ADCY8: variants seen among roughly 807,000 people sequenced by gnomAD.
ADCY8 encodes adenylate cyclase type 8.
A neutral mutation model predicts 119.7 loss-of-function variants in ADCY8; 51 were observed. The observed-to-expected ratio is 0.43, with a 90% confidence interval of 0.34 to 0.54. The LOEUF (loss-of-function observed/expected upper bound fraction) is 0.54, where lower values mean the gene tolerates loss of function less well. ADCY8 is among the 20% of genes least tolerant of loss of function. The pLI is 0.03. For missense variants in ADCY8, 1,383 were observed against 1,598.8 expected (o/e 0.87, Z 2.30); for synonymous variants, 665 against 651.0 (o/e 1.02, Z -0.33).
chr8:130,803,775 A>T (rs1815856530), intron 14 of ADCY8, among the ~76,000 whole-genome samples: 1 of 152,232 alleles, frequency 6.6e-6, no homozygotes, highest in South Asian at 2.1e-4. Context: ...TGCACTACAC[A>T]TGTGAGTGTG....
chr8:131,007,940 A>C (rs1823175775), intron 1 of ADCY8, among the ~76,000 whole-genome samples: 1 of 152,182 alleles, frequency 6.6e-6, no homozygotes, highest in African/African-American at 2.4e-5. Flanking sequence ...ATTTTATTGA[A>C]TATCTACTGT....
chr8:130,992,615 A>G (rs1278161436), intron 1 of ADCY8, among the ~76,000 whole-genome samples: 2 of 151,374 alleles, frequency 1.3e-5, no homozygotes, highest in Non-Finnish European at 2.9e-5. Flanking sequence ...AGATTTTCCT[A>G]TGTTGGCCAG....
At chr8:130,807,710 C>T (rs904826406) in intron 14 of ADCY8, among the ~76,000 whole-genome samples, 7 of 151,892 alleles carry the variant, frequency 4.6e-5, no homozygotes, top group East Asian at 1.9e-4. Context: ...TATCGCCGGG[C>T]GCGGTGGCTC....
At chr8:130,976,857 C>T (rs1044701702) in intron 2 of ADCY8, among the ~76,000 whole-genome samples, 4 of 152,076 alleles carry the variant, frequency 2.6e-5, no homozygotes, top group African/African-American at 9.7e-5. Context: ...AGTGTGTTTA[C>T]AGTTAAAAAT....
chr8:130,983,774 G>A (rs995725839), intron 2 of ADCY8, among the ~76,000 whole-genome samples: 1 of 152,176 alleles, frequency 6.6e-6, no homozygotes, highest in East Asian at 1.9e-4. Context: ...CTGTGCTGGG[G>A]TTTTGAGATG....
At chr8:130,792,125 C>T (rs1165084973) in intron 15 of ADCY8, among the ~76,000 whole-genome samples, 2 of 152,176 alleles carry the variant, frequency 1.3e-5, no homozygotes, top group African/African-American at 4.8e-5. Flanking sequence ...TCCTCAGCCT[C>T]GCTTCTCTTG....
rs1175097089 is a variant in ADCY8, at chr8:130,867,905, G to C, written c.2151C>G (p.Val717=). 2.5e-6 allele frequency: 4 copies of C among 1,611,658 alleles called. No homozygotes were observed. Among genetic ancestry groups the C allele is most frequent in the Non-Finnish European group, 3.4e-6 (4 of 1,178,902 alleles). ...MRDEVFKSNL[V]CAFIVLLFIT... The stretch of plus-strand genomic sequence containing the variant: ...TAAATAGAAGAACGATAAATGCACA[G>C]ACCAAGTTTGACTTGAACACTTCAT... The change falls in exon 9 of 18, where the codon GTC becomes GTG. Residue 717 remains valine (V), a synonymous_variant. Coordinates refer to ENST00000286355, the MANE Select transcript of ADCY8 (RefSeq NM_001115.3).
chr8:130,841,439 G>A (rs1817138826), intron 11 of ADCY8, among the ~76,000 whole-genome samples: 1 of 152,142 alleles, frequency 6.6e-6, no homozygotes, highest in Non-Finnish European at 1.5e-5. Context: ...AAGGTGTTAA[G>A]GGCAGCAACA....
Position 130,840,827 on chromosome 8 carries a change from T to C in ADCY8, c.2503-4378A>G, listed in dbSNP as rs559256489. Among the ~76,000 whole-genome samples the C allele has an allele frequency of 1.7e-3, 253 of 152,256 alleles. 2 individuals are homozygous for C. The highest frequency in any genetic ancestry group is 5.5e-3 in the African/African-American group (228 of 41,548). ...TAAAAAATAATAATGCCAAGATTTGTATGAGAAATGTTAGGTAGTGAGCAA... is the reference window on the plus strand; with the variant it reads ...TAAAAAATAATAATGCCAAGATTTGCATGAGAAATGTTAGGTAGTGAGCAA... On this transcript the variant is annotated intron_variant, in intron 11 of 17. Coordinates refer to ENST00000286355, the MANE Select transcript of ADCY8 (RefSeq NM_001115.3).
Position 130,803,976 on chromosome 8 carries a change from G to A in ADCY8, c.2914-3404C>T, listed in dbSNP as rs571808287. 7.2e-5 allele frequency among the ~76,000 whole-genome samples: 11 copies of A among 152,298 alleles called. No homozygotes were observed. In the South Asian group the frequency reaches 2.3e-3, roughly 32 times the overall value. ...AGAAAGAGTGCAGATAGCAGTCAGG[G>A]AGCAGAGCAAAGGTAAATGGCTTTC... On this transcript the variant is annotated intron_variant, in intron 14 of 17. Transcript: ENST00000286355.
At chr8:130,849,052 TC>T in intron 10 of ADCY8, among the ~76,000 whole-genome samples, 1 of 152,270 alleles carries the variant, frequency 6.6e-6, no homozygotes, top group Admixed American at 6.5e-5. Flanking sequence ...GGCAGCTATT[TC>T]ATTTCCATTT....
At chr8:131,003,130 G>T (rs192377922) in intron 1 of ADCY8, among the ~76,000 whole-genome samples, 1 of 151,866 alleles carries the variant, frequency 6.6e-6, no homozygotes, top group Admixed American at 6.6e-5. Flanking sequence ...GAACCCAGGA[G>T]GTAGAGGTTG....
chr8:131,033,762 A>G (rs1824063975), intron 1 of ADCY8, among the ~76,000 whole-genome samples: 1 of 151,964 alleles, frequency 6.6e-6, no homozygotes, highest in South Asian at 2.1e-4. Context: ...CAACACACAT[A>G]CACAAAAGCA....
chr8:130,831,191 G>A (rs1219890866), intron 12 of ADCY8, among the ~76,000 whole-genome samples: 1 of 152,202 alleles, frequency 6.6e-6, no homozygotes, highest in Non-Finnish European at 1.5e-5. Context: ...TACTGTGTGT[G>A]AATCAATGAT....
intron 15 of ADCY8, among the ~76,000 whole-genome samples, chr8:130,796,735 T>C (rs987939249): frequency 6.9e-6 from 1 of 144,902 alleles, no homozygotes; most frequent in Non-Finnish European, 1.5e-5. Flanking sequence ...TCCCCTACCT[T>C]CCCCCCGCCT....
Position 130,826,788 on chromosome 8 carries a change from G to T in ADCY8, c.2676-5368C>A, listed in dbSNP as rs10113476. ...GTATTTGGGGTGGGATGGGGTGGGA[G>T]GCAGCTAGATACCAAAACAAAAGGC... On this transcript the variant is annotated intron_variant, in intron 12 of 17. Coordinates refer to ENST00000286355, the MANE Select transcript of ADCY8 (RefSeq NM_001115.3). Among the ~76,000 whole-genome samples the T allele has an allele frequency of 1.2e-3, 189 of 152,114 alleles. 2 individuals are homozygous for T. The highest frequency in any genetic ancestry group is 4.5e-3 in the African/African-American group (185 of 41,480).
At chr8:130,902,971 A>G (rs143171699) in intron 7 of ADCY8, among the ~76,000 whole-genome samples, 2 of 152,236 alleles carry the variant, frequency 1.3e-5, no homozygotes, top group Non-Finnish European at 2.9e-5. Flanking sequence ...GGGAAAATCC[A>G]TATTAGAGCA....
At chr8:130,782,399 A>G (rs1815111244) in intron 17 of ADCY8, among the ~76,000 whole-genome samples, 1 of 152,200 alleles carries the variant, frequency 6.6e-6, no homozygotes, top group African/African-American at 2.4e-5. Context: ...GGAAACGGAG[A>G]CACAGAAGGT....
At chr8:130,830,461 C>T (rs1239849708) in intron 12 of ADCY8, among the ~76,000 whole-genome samples, 1 of 152,122 alleles carries the variant, frequency 6.6e-6, no homozygotes, top group African/African-American at 2.4e-5. Flanking sequence ...TTCCTCAAAC[C>T]TGATTATAAA....
Sources: gnomAD v4.1 joint callset for allele counts (sites outside exome capture counted in the v4.1 genomes callset) on GRCh38, gnomAD v4.1.1 for gene constraint, MANE v1.5 for transcripts, NCBI Gene and HGNC (gene_info 2026-07-23, HGNC 2026-07-21) for gene names.